DGKG: variants seen among roughly 807,000 people sequenced by gnomAD.
The protein encoded by DGKG is diacylglycerol kinase gamma, also known as DAG kinase gamma.
A neutral mutation model predicts 105.3 loss-of-function variants in DGKG; 78 were observed. The ratio of observed to expected loss-of-function variants is 0.74; its 90% CI spans 0.62 to 0.89. The LOEUF (loss-of-function observed/expected upper bound fraction) is 0.89. DGKG is among the 40% of genes least tolerant of loss of function. The probability of loss-of-function intolerance (pLI) is 0.00; values close to 1 mark genes in which losing one functional copy is unlikely to be tolerated. For missense variants in DGKG, 958 were observed against 1,020.1 expected (o/e 0.94, Z 0.83); for synonymous variants, 346 against 367.1 (o/e 0.94, Z 0.66).
chr3:186,182,687 C>T (rs1420519864), intron 22 of DGKG, among the ~76,000 whole-genome samples: 1 of 152,132 alleles, frequency 6.6e-6, no homozygotes, highest in Non-Finnish European at 1.5e-5. Context: ...CAAATACTCA[C>T]ATGTAACTCT....
chr3:186,208,912 T>C (rs875571), intron 21 of DGKG, among the ~76,000 whole-genome samples: 88,230 of 151,918 alleles, frequency 0.58, 26,086 homozygotes, highest in East Asian at 0.93. Flanking sequence ...TTCTCTCTTA[T>C]CAGTTTTCAG....
chr3:186,349,349 T>C (rs1435107982), intron 1 of DGKG, among the ~76,000 whole-genome samples: 1 of 152,256 alleles, frequency 6.6e-6, no homozygotes, highest in African/African-American at 2.4e-5. Context: ...CATCTTTAGC[T>C]TTCTGCATTG....
At chr3:186,323,643 T>C (rs928376503) in intron 1 of DGKG, among the ~76,000 whole-genome samples, 20 of 150,518 alleles carry the variant, frequency 1.3e-4, no homozygotes, top group African/African-American at 3.9e-4. Flanking sequence ...AATACAAAAA[T>C]TAGCTGGGTG....
chr3:186,288,509 C>G (rs1238868092), intron 6 of DGKG, among the ~76,000 whole-genome samples: 1 of 152,180 alleles, frequency 6.6e-6, no homozygotes, highest in Admixed American at 6.5e-5. Flanking sequence ...CCATGTGATA[C>G]ACAACTGGCA....
chr3:186,250,228 T>TA (rs1412929634), intron 19 of DGKG, among the ~76,000 whole-genome samples: 1 of 151,992 alleles, frequency 6.6e-6, no homozygotes, highest in Non-Finnish European at 1.5e-5. Flanking sequence ...AGCACACAGG[T>TA]ACTCAATAAA....
chr3:186,294,120 C>T (rs532845545), intron 5 of DGKG, among the ~76,000 whole-genome samples: 1 of 152,222 alleles, frequency 6.6e-6, no homozygotes, highest in African/African-American at 2.4e-5. Flanking sequence ...CTCTTTTAGT[C>T]CCAGAATGAT....
intron 24 of DGKG, chr3:186,159,498 A>T (rs1560075280): frequency 6.6e-6 from 1 of 152,096 alleles, no homozygotes; most frequent in Non-Finnish European, 1.5e-5. Context: ...TCAAAGAATG[A>T]TTTTTTGCCA....
intron 21 of DGKG, among the ~76,000 whole-genome samples, chr3:186,211,478 G>A (rs1719035026): frequency 6.6e-6 from 1 of 152,164 alleles, no homozygotes; most frequent in Non-Finnish European, 1.5e-5. Flanking sequence ...TCCCTGTGCT[G>A]ACGGCAATGG....
rs533166756 is a variant in DGKG at position 186,297,576 on chromosome 3, C to T, written c.311-93G>A. On this transcript the variant is annotated intron_variant, in intron 4 of 24. Coordinates refer to ENST00000265022, the MANE Select transcript of DGKG (RefSeq NM_001346.3). ...GACATCCCCATGGGACCTGGTTTGCCTTGATTGTGTCTGTGTCTCGGGGTT... is the reference window on the plus strand; with the variant it reads ...GACATCCCCATGGGACCTGGTTTGCTTTGATTGTGTCTGTGTCTCGGGGTT... 7.9e-6 allele frequency: 7 copies of T among 887,640 alleles called. No individual in the cohort carries two copies. The South Asian group carries it at 8.2e-5, about 10-fold the overall frequency. The allele number at this position is 887,640 out of a possible 1,614,324, so 55.0% of individuals were successfully genotyped here. A position where few individuals can be genotyped will look rare whatever the true frequency, so the allele number is the denominator to read the frequency against.
intron 22 of DGKG, among the ~76,000 whole-genome samples, chr3:186,181,626 C>G (rs7619125): frequency 0.77 from 117,898 of 152,164 alleles, 46,364 homozygotes; most frequent in East Asian, 0.94. Flanking sequence ...CCAGCTACCT[C>G]GGAGGCTGAG....
intron 14 of DGKG, 131 bp downstream of exon 14, chr3:186,265,116 T>A: frequency 1.2e-6 from 1 of 814,054 alleles, no homozygotes. Flanking sequence ...AATGCCCTCC[T>A]GGGTGGTATA....
chr3:186,201,438 T>G (rs144709857), intron 21 of DGKG, among the ~76,000 whole-genome samples: 23 of 152,268 alleles, frequency 1.5e-4, no homozygotes, highest in African/African-American at 5.1e-4. Context: ...CACTGCCACA[T>G]GAGCTCTGCC....
At chr3:186,348,219 ATGTT>A (rs545335849) in intron 1 of DGKG, among the ~76,000 whole-genome samples, 142 of 152,152 alleles carry the variant, frequency 9.3e-4, no homozygotes, top group African/African-American at 3.3e-3. Context: ...TACTAAGTCT[ATGTT>A]TGTGTGGGTT....
intron 23 of DGKG, among the ~76,000 whole-genome samples, chr3:186,163,612 C>T (rs952111825): frequency 2.0e-5 from 3 of 152,040 alleles, no homozygotes; most frequent in Non-Finnish European, 2.9e-5. Flanking sequence ...TAAAGAGTGG[C>T]ATTTTGGCTC....
intron 19 of DGKG, among the ~76,000 whole-genome samples, chr3:186,244,759 C>A (rs914042201): frequency 1.3e-5 from 2 of 152,096 alleles, no homozygotes; most frequent in Non-Finnish European, 2.9e-5. Flanking sequence ...TGGAGAGGCA[C>A]CCCCATGGGT....
chr3:186,346,486 C>T (rs1219148410), intron 1 of DGKG, among the ~76,000 whole-genome samples: 1 of 152,052 alleles, frequency 6.6e-6, no homozygotes. Context: ...ATGTTTTACT[C>T]TTTATTCATT....
chr3:186,312,930 C>A (rs1199494634), intron 2 of DGKG, among the ~76,000 whole-genome samples: 1 of 152,222 alleles, frequency 6.6e-6, no homozygotes, highest in East Asian at 1.9e-4. Flanking sequence ...CCCATCTAAA[C>A]TTTGTTTCTG....
intron 20 of DGKG, among the ~76,000 whole-genome samples, chr3:186,229,062 A>G (rs1424788876): frequency 6.6e-6 from 1 of 152,190 alleles, no homozygotes; most frequent in East Asian, 1.9e-4. Flanking sequence ...GAACAGAGAC[A>G]CAGATACAGA....
At chr3:186,324,542 C>T (rs1725242477) in intron 1 of DGKG, among the ~76,000 whole-genome samples, 1 of 150,704 alleles carries the variant, frequency 6.6e-6, no homozygotes, top group Non-Finnish European at 1.5e-5. Context: ...CCAAAATAAC[C>T]CCATTAAAAA....
Sources: allele counts gnomAD v4.1 joint callset (sites outside exome capture counted in the v4.1 genomes callset), GRCh38; gene constraint gnomAD v4.1.1; transcripts MANE v1.5; gene names NCBI Gene and HGNC (gene_info 2026-07-23, HGNC 2026-07-21).